Variants in DPYD observed in about 807,000 individuals in gnomAD.
The protein encoded by DPYD is dihydropyrimidine dehydrogenase [NADP(+)].
Under a neutral mutation model 116.2 loss-of-function variants are expected in DPYD, and 109 were observed. The ratio of observed to expected loss-of-function variants is 0.94; its 90% CI spans 0.80 to 1.10. The LOEUF (loss-of-function observed/expected upper bound fraction) is 1.10. Among genes scored for constraint, DPYD ranks in the 50% least tolerant of loss-of-function variants. The pLI, the probability that DPYD is intolerant of heterozygous loss-of-function variation, is 0.00. For synonymous variants in DPYD, 440 were observed against 432.0 expected, an observed-to-expected ratio of 1.02 and a Z score of -0.23; for missense variants, 1,302 against 1,254.5, an observed-to-expected ratio of 1.04 and a Z score of -0.57.
At chr1:97,224,327 ACTC>A in intron 19 of DPYD, among the ~76,000 whole-genome samples, 1 of 151,950 alleles carries the variant, frequency 6.6e-6, no homozygotes, top group Middle Eastern at 3.2e-3. Flanking sequence ...TACCCAGATT[ACTC>A]TCTAGCTAAT....
intron 10 of DPYD, among the ~76,000 whole-genome samples, chr1:97,575,735 G>A (rs1340599222): frequency 6.6e-6 from 1 of 152,124 alleles, no homozygotes; most frequent in Non-Finnish European, 1.5e-5. Context: ...AATCAAATTT[G>A]AAAACTGCTC....
intron 12 of DPYD, among the ~76,000 whole-genome samples, chr1:97,545,513 A>C (rs1650771688): frequency 6.6e-6 from 1 of 152,166 alleles, no homozygotes; most frequent in Non-Finnish European, 1.5e-5. Context: ...TTTGACTTAA[A>C]AGCAGTGAAT....
intron 11 of DPYD, among the ~76,000 whole-genome samples, chr1:97,567,523 G>T (rs1289140184): frequency 5.3e-5 from 8 of 152,044 alleles, no homozygotes; most frequent in Non-Finnish European, 1.2e-4. Flanking sequence ...TAACAGAAGG[G>T]TCGTATCTTC....
At chr1:97,880,861 A>G (rs1672181543) in intron 2 of DPYD, among the ~76,000 whole-genome samples, 1 of 151,978 alleles carries the variant, frequency 6.6e-6, no homozygotes, top group Non-Finnish European at 1.5e-5. Flanking sequence ...TATTATTTCA[A>G]AAACATCTTA....
In DPYD at chr1:97,748,384, G is replaced by A. The variant is rs952295760; in HGVS notation, c.234-7905C>T. 3.9e-5 allele frequency among the ~76,000 whole-genome samples: 6 copies of A among 152,034 alleles called. 1 individual carries two copies. The highest frequency in any genetic ancestry group is 4.8e-5 in the African/African-American group (2 of 41,410). On this transcript the variant is annotated intron_variant, in intron 3 of 22. Coordinates refer to ENST00000370192, the MANE Select transcript of DPYD (RefSeq NM_000110.4). ...AGCACTGTGGGAGGCCACGGCGGGC[G>A]GATCACGTGGTCAGGAGATAGAGAC...
chr1:97,844,440 G>A lies in DPYD; in HGVS notation c.151-16244C>T, dbSNP rs118150736. On this transcript the variant is annotated intron_variant, in intron 2 of 22. Transcript: ENST00000370192. ...ATCCCCTATCCTAGGAGAAGGGAGA[G>A]GGGCTGAAGTTTGAGTTAAAAATGA... is the stretch of plus-strand genomic sequence containing the variant. 7.4e-4 allele frequency among the ~76,000 whole-genome samples: 113 copies of A among 152,278 alleles called. No individual in the cohort carries two copies. In the East Asian group the frequency reaches 0.02, roughly 27 times the overall value.
chr1:97,721,546 G>T lies in DPYD; in HGVS notation c.447C>A (p.Pro149=), dbSNP rs759858246. ...ATTGCTGCAATCCACCAATATTAAT[G>T]GGTCCCTCTTCAGTGGCATATAAAT... is the stretch of plus-strand genomic sequence containing the variant. ...GCNLYATEEG[P]INIGGLQQFA... The change falls in exon 5 of 23, where the codon CCC becomes CCA. Residue 149 remains proline, a synonymous_variant. Coordinates refer to ENST00000370192, the MANE Select transcript of DPYD (RefSeq NM_000110.4). 6.2e-7 allele frequency: 1 copy of T among 1,611,474 alleles called. No individual in the cohort carries two copies.
intron 14 of DPYD, among the ~76,000 whole-genome samples, chr1:97,424,091 G>A (rs1674734983): frequency 6.6e-6 from 1 of 151,998 alleles, no homozygotes; most frequent in African/African-American, 2.4e-5. Context: ...GATAACAAGA[G>A]ACAATTCCAA....
intron 2 of DPYD, among the ~76,000 whole-genome samples, chr1:97,874,895 A>T (rs1334521975): frequency 6.6e-6 from 1 of 151,934 alleles, no homozygotes; most frequent in African/African-American, 2.4e-5. Context: ...ACAACAAAAA[A>T]CTGCTAATTA....
chr1:97,727,972 C>A (rs1663365184), intron 4 of DPYD, among the ~76,000 whole-genome samples: 1 of 151,892 alleles, frequency 6.6e-6, no homozygotes, highest in Non-Finnish European at 1.5e-5. Context: ...CCAGCAGTCT[C>A]CTTCTAGAAA....
At chr1:97,778,275 T>C (rs1666539890) in intron 3 of DPYD, among the ~76,000 whole-genome samples, 1 of 150,918 alleles carries the variant, frequency 6.6e-6, no homozygotes, top group Non-Finnish European at 1.5e-5. Flanking sequence ...TATTTGGTTA[T>C]AATAATAATT....
chr1:97,114,274 A>C (rs1247910110), intron 20 of DPYD, among the ~76,000 whole-genome samples: 1 of 151,988 alleles, frequency 6.6e-6, no homozygotes, highest in Non-Finnish European at 1.5e-5. Flanking sequence ...AGGTGTCTTT[A>C]TTGTTTCTTG....
chr1:97,663,453 A>T (rs1284840010), intron 8 of DPYD, among the ~76,000 whole-genome samples: 1 of 152,064 alleles, frequency 6.6e-6, no homozygotes, highest in African/African-American at 2.4e-5. Context: ...AGACTCATTC[A>T]TTGTATTTCC....
rs1557981924 is a variant in DPYD, at chr1:97,262,274, T to G, written c.2300-27280A>C. 4.6e-5 allele frequency among the ~76,000 whole-genome samples: 7 copies of G among 152,190 alleles called. No individual in the cohort carries two copies. In the South Asian group the frequency reaches 8.3e-4, roughly 18 times the overall value. On this transcript the variant is annotated intron_variant, in intron 18 of 22. Transcript: ENST00000370192. ...CACTGGGCATGACCAGATAAGCTCC[T>G]TAAGTTCTTTGAGTCTTGGTTTCCT...
At chr1:97,443,987 A>C (rs909747831) in intron 14 of DPYD, among the ~76,000 whole-genome samples, 1 of 152,132 alleles carries the variant, frequency 6.6e-6, no homozygotes, top group Non-Finnish European at 1.5e-5. Flanking sequence ...GCCATTTTGG[A>C]ATACAGAATT....
chr1:97,208,154 TTTC>T (rs1485390766), intron 19 of DPYD, among the ~76,000 whole-genome samples: 2 of 152,008 alleles, frequency 1.3e-5, no homozygotes, highest in African/African-American at 4.8e-5. Context: ...TTTTCCTCTC[TTTC>T]TTTTTTCTTT....
chr1:97,828,729 A>G (rs968937969), intron 2 of DPYD, among the ~76,000 whole-genome samples: 25 of 151,966 alleles, frequency 1.6e-4, no homozygotes, highest in African/African-American at 6.0e-4. Flanking sequence ...TTTAAATAAC[A>G]ATTTTATGTG....
intron 18 of DPYD, among the ~76,000 whole-genome samples, chr1:97,251,582 C>T (rs1021319880): frequency 4.6e-5 from 7 of 151,932 alleles, no homozygotes; most frequent in African/African-American, 1.7e-4. Flanking sequence ...TCGTAATCTC[C>T]ATGAAATTTT....
chr1:97,458,446 T>C (rs1676823759), intron 13 of DPYD, among the ~76,000 whole-genome samples: 1 of 152,034 alleles, frequency 6.6e-6, no homozygotes, highest in South Asian at 2.1e-4. Context: ...GGTATCAAAA[T>C]AAGGAAATTT....
Sources: allele counts gnomAD v4.1 joint callset (sites outside exome capture counted in the v4.1 genomes callset), GRCh38; gene constraint gnomAD v4.1.1; transcripts MANE v1.5; gene names NCBI Gene and HGNC (gene_info 2026-07-23, HGNC 2026-07-21).